The following RTN4 variants were observed in gnomAD, a reference collection of about 807,000 sequenced individuals.
RTN4 encodes the protein reticulon-4.
A neutral mutation model predicts 90.4 loss-of-function variants in RTN4; 32 were observed. The observed-to-expected ratio is 0.35, with a 90% CI of 0.27 to 0.48. The LOEUF is 0.48. Ranked by LOEUF, RTN4 falls within the 20% of genes least tolerant of loss-of-function variation. The pLI is 0.99. For missense variants in RTN4, 1,706 were observed against 1,430.2 expected, an observed-to-expected ratio of 1.19 and a Z score of -3.11; for synonymous variants, 629 against 552.5, an observed-to-expected ratio of 1.14 and a Z score of -1.94.
intron 3 of RTN4, among the ~76,000 whole-genome samples, chr2:55,017,668 C>G (rs1681141822): frequency 6.6e-6 from 1 of 152,164 alleles, no homozygotes; most frequent in South Asian, 2.1e-4. Context: ...GAAACATGAG[C>G]ACCTTTCTGT....
intron 1 of RTN4, among the ~76,000 whole-genome samples, chr2:55,034,345 T>C (rs1558834374): frequency 6.6e-6 from 1 of 151,758 alleles, no homozygotes; most frequent in Admixed American, 6.6e-5. Context: ...TCCAAAAAAA[T>C]TAAAACATTA....
chr2:55,078,095 G>C (rs1455501686), intron 2 of RTN4, among the ~76,000 whole-genome samples: 1 of 151,858 alleles, frequency 6.6e-6, no homozygotes, highest in Non-Finnish European at 1.5e-5. Context: ...CTCAGGTGAT[G>C]GGTGCACCAA....
intron 1 of RTN4, among the ~76,000 whole-genome samples, chr2:55,082,793 A>C (rs565665997): frequency 5.3e-5 from 8 of 152,256 alleles, no homozygotes; most frequent in Non-Finnish European, 1.2e-4. Flanking sequence ...GTGTTATCTC[A>C]CTTAATCGTT....
At chr2:55,070,595 C>T (rs1668492038) in intron 2 of RTN4, among the ~76,000 whole-genome samples, 1 of 150,980 alleles carries the variant, frequency 6.6e-6, no homozygotes, top group Non-Finnish European at 1.5e-5. Flanking sequence ...TAAAATACTC[C>T]CTCCCATTTG....
intron 2 of RTN4, among the ~76,000 whole-genome samples, chr2:55,077,623 C>G (rs1668626358): frequency 6.6e-6 from 1 of 151,964 alleles, no homozygotes; most frequent in African/African-American, 2.4e-5. Flanking sequence ...TGGGTATCTA[C>G]CCAGAGGAAA....
intron 3 of RTN4, among the ~76,000 whole-genome samples, chr2:55,021,393 C>G (rs924472181): frequency 7.0e-6 from 1 of 142,388 alleles, no homozygotes; most frequent in East Asian, 2.1e-4. Flanking sequence ...TTTTCCCTGC[C>G]CCCCCCGCCA....
intron 1 of RTN4, among the ~76,000 whole-genome samples, chr2:55,111,937 C>T (rs1027201606): frequency 2.0e-5 from 3 of 152,170 alleles, no homozygotes; most frequent in Admixed American, 2.0e-4. Context: ...TCTGTGGGCA[C>T]GCACTGCTCT....
At chr2:55,054,206 A>G (rs1668150771), upstream of RTN4, among the ~76,000 whole-genome samples, 1 of 152,242 alleles carries the variant, frequency 6.6e-6, no homozygotes, top group Admixed American at 6.5e-5. Context: ...TCTTGAACAC[A>G]GGCCAGTCAT....
At chr2:55,004,884 G>A (rs750564125) in intron 3 of RTN4, among the ~76,000 whole-genome samples, 4 of 152,108 alleles carry the variant, frequency 2.6e-5, no homozygotes, top group Non-Finnish European at 4.4e-5. Flanking sequence ...AATGAAAACC[G>A]AGAGATGGGA....
At chr2:55,121,375 A>G in the RTN4 span, among the ~76,000 whole-genome samples, 4 of 152,256 alleles carry the variant, frequency 2.6e-5, no homozygotes, top group Admixed American at 2.0e-4. Context: ...CCCTGGTAAG[A>G]AAACCATCAC....
intron 3 of RTN4, among the ~76,000 whole-genome samples, chr2:54,994,553 T>C (rs1301138650): frequency 6.6e-6 from 1 of 152,100 alleles, no homozygotes; most frequent in Admixed American, 6.5e-5. Flanking sequence ...ACATTTAACA[T>C]ACTAGGAACA....
At chr2:54,973,441 T>G (rs763544067) in intron 8 of RTN4, 122 bp downstream of exon 8, 86 of 836,698 alleles carry the variant, frequency 1.0e-4, no homozygotes, top group Non-Finnish European at 1.5e-4. Context: ...TTGGCAACTC[T>G]GAAGTCACAC....
At position 54,990,362 on chromosome 2, in the gene RTN4, C is replaced by T. The variant is rs145437123; in HGVS notation, c.3014-2664G>A. Among the ~76,000 whole-genome samples the T allele has an allele frequency of 3.1e-3, 478 of 152,170 alleles. 2 individuals are homozygous for T. Among genetic ancestry groups the T allele is most frequent in the Non-Finnish European group, 5.6e-3 (381 of 68,000 alleles). ...ACACCACATTGTATACATGTCAAAA[C>T]ATATTGTACCCCATAAATATATACA... On this transcript the variant is annotated intron_variant, in intron 3 of 8. Coordinates refer to ENST00000337526, the MANE Select transcript of RTN4 (RefSeq NM_020532.5).
chr2:55,058,401 G>A (rs1017646361), intron 2 of RTN4, among the ~76,000 whole-genome samples: 9 of 152,188 alleles, frequency 5.9e-5, no homozygotes. Flanking sequence ...GAATGTGTAG[G>A]TGGTGATAAT....
At chr2:55,103,853 C>G (rs375558676) in intron 1 of RTN4, among the ~76,000 whole-genome samples, 3 of 151,884 alleles carry the variant, frequency 2.0e-5, no homozygotes, top group African/African-American at 7.3e-5. Flanking sequence ...CACCACCACA[C>G]CCGCCTAATT....
intron 3 of RTN4, among the ~76,000 whole-genome samples, chr2:54,993,099 G>T (rs929596966): frequency 1.1e-4 from 16 of 143,950 alleles, no homozygotes; most frequent in Admixed American, 1.0e-3. Flanking sequence ...AAAAAGAAAA[G>T]AAATTAAACA....
intron 3 of RTN4, among the ~76,000 whole-genome samples, chr2:55,008,148 C>CAG (rs1680373670): frequency 6.6e-6 from 1 of 150,982 alleles, no homozygotes; most frequent in Non-Finnish European, 1.5e-5. Context: ...AGCAAACACA[C>CAG]ACACACACAC....
chr2:55,044,785 T>TAAAAAAAAAA (rs10639848), intron 1 of RTN4, among the ~76,000 whole-genome samples: 36 of 65,654 alleles, frequency 5.5e-4, no homozygotes, highest in Admixed American at 9.3e-4. Flanking sequence ...TGCAAATCAC[T>TAAAAAAAAAA]AAAAAAAAAA....
Position 55,025,321 on chromosome 2 carries a change from G to T in RTN4, c.2778C>A (p.Pro926=), listed in dbSNP as rs1411902828. ...AGAAACTGATTTTCTCTTCAACTTT[G>T]GGTTGTATGTTCTTCAAAGAAAGGT... ...PHDLSLKNIQ[P]KVEEKISFSD... Residue 926 remains proline, a synonymous_variant, in exon 3 of 9, where the codon CCC becomes CCA. Coordinates refer to ENST00000337526, the MANE Select transcript of RTN4 (RefSeq NM_020532.5). The T allele has an allele frequency of 6.2e-7, 1 of 1,613,808 alleles. No individual in the cohort carries two copies. The highest frequency in any genetic ancestry group is 8.5e-7 in the Non-Finnish European group (1 of 1,179,884).
Sources: allele counts gnomAD v4.1 joint callset (sites outside exome capture counted in the v4.1 genomes callset), GRCh38; gene constraint gnomAD v4.1.1; transcripts MANE v1.5; gene names NCBI Gene and HGNC (gene_info 2026-07-23, HGNC 2026-07-21).